Variants in ZNF705G observed in about 807,000 individuals in gnomAD.
ZNF705G encodes the protein zinc finger protein 705G, also known as putative zinc finger protein 705G.
In ZNF705G, 23 loss-of-function variants were observed where a neutral mutation model predicts 19.6. The observed-to-expected ratio is 1.17, with a 90% CI of 0.84 to 1.66. The LOEUF (loss-of-function observed/expected upper bound fraction) is 1.66, where lower values mean the gene tolerates loss of function less well. Among genes scored for constraint, ZNF705G ranks in the 40% most tolerant of loss-of-function variants. The pLI is 0.00. For synonymous variants in ZNF705G, 146 were observed against 117.7 expected, an observed-to-expected ratio of 1.24 and a Z score of -1.56; for missense variants, 457 against 354.4, an observed-to-expected ratio of 1.29 and a Z score of -2.32.
intron 2 of ZNF705G, among the ~76,000 whole-genome samples, chr8:7,366,961 G>C (rs1420494324): frequency 6.7e-6 from 1 of 149,568 alleles, no homozygotes; most frequent in Non-Finnish European, 1.5e-5. Context: ...ATGCCATTTA[G>C]TTATTTAATT....
chr8:7,358,112 T>A lies in ZNF705G; in HGVS notation c.767A>T (p.Tyr256Phe). ...GGCTTTCCCACTTTTATCACATTCA[T>A]AACACTTTTTTCCAAGGTGAGTTCT... Reference protein sequence around the residue: ...HERTHLGKKCYECDKSGKAFS... With the variant: ...HERTHLGKKCFECDKSGKAFS... The change falls in exon 7 of 7, where the codon TAT becomes TTT. Residue 256 changes from tyrosine to phenylalanine, a missense_variant. Transcript: ENST00000400156. 1 of 1,607,812 alleles carries A rather than the reference T, an allele frequency of 6.2e-7. No individual in the cohort carries two copies. Among genetic ancestry groups the A allele is most frequent in the Middle Eastern group, 2.2e-4 (1 of 4,552 alleles).
intron 2 of ZNF705G, among the ~76,000 whole-genome samples, chr8:7,367,032 A>T (rs1286700711): frequency 6.7e-6 from 1 of 149,676 alleles, no homozygotes; most frequent in Admixed American, 6.6e-5. Flanking sequence ...GCCAATACAG[A>T]TCTAGAATCT....
chr8:7,366,341 C>T (rs1209375236), intron 2 of ZNF705G, among the ~76,000 whole-genome samples: 1 of 149,348 alleles, frequency 6.7e-6, no homozygotes, highest in East Asian at 1.9e-4. Context: ...AAGCACCATG[C>T]CCTGAAACAA....
intron 3 of ZNF705G, 35 bp downstream of exon 3, chr8:7,362,900 T>C: frequency 6.3e-7 from 1 of 1,580,194 alleles, no homozygotes; most frequent in East Asian, 2.2e-5. Context: ...GCAATATGGG[T>C]ATAATTTCAG....
Position 7,358,350 on chromosome 8 carries a change from A to G in ZNF705G, c.529T>C (p.Cys177Arg), listed in dbSNP as rs543720945. 8 of 1,607,652 alleles carry G rather than the reference A, an allele frequency of 5.0e-6. No individual in the cohort carries two copies. Among genetic ancestry groups the G allele is most frequent in the South Asian group, 4.4e-5 (4 of 90,714 alleles). ...AAGCAATTAGTATAGGCCTTTTCAC[A>G]TAGATTACACTGATATGATTTACCT... ...TKGKSYQCNL[C>R]EKAYTNCFHL... is the part of the protein sequence containing the mutation. Residue 177 changes from cysteine (C) to arginine (R), a missense_variant, in exon 7 of 7, where the codon TGT (cysteine) becomes CGT (arginine). Cys to Arg is a radical substitution (Grantham distance 180). Transcript: ENST00000400156.
chr8:7,379,701 T>A (rs1424375268), intron 2 of ZNF705G, among the ~76,000 whole-genome samples: 1 of 147,336 alleles, frequency 6.8e-6, no homozygotes, highest in Non-Finnish European at 1.5e-5. Flanking sequence ...ATATTCCCAC[T>A]GTGGACACTG....
At chr8:7,360,362 A>T in intron 4 of ZNF705G, 30 bp from the exon 5 acceptor site, 1 of 1,586,904 alleles carries the variant, frequency 6.3e-7, no homozygotes, top group South Asian at 1.1e-5. Flanking sequence ...ATGTGTTTTG[A>T]GTTCACTGTC....
chr8:7,383,039 A>G (rs1807569511), intron 1 of ZNF705G, among the ~76,000 whole-genome samples: 1 of 148,566 alleles, frequency 6.7e-6, no homozygotes. Flanking sequence ...GGTTTTTTGG[A>G]AAACCACCCA....
chr8:7,367,905 A>T lies in ZNF705G; in HGVS notation c.-71-4888T>A, dbSNP rs1427598691. ...CTGGTAACAGTATCATTGTAAGGGAATGAGGCCAGTTCACATCTCAGTGCT... is the reference window on the plus strand; with the variant it reads ...CTGGTAACAGTATCATTGTAAGGGATTGAGGCCAGTTCACATCTCAGTGCT... On this transcript the variant is annotated intron_variant, in intron 2 of 6. Coordinates refer to ENST00000400156, the MANE Select transcript of ZNF705G (RefSeq NM_001164457.3). Among the ~76,000 whole-genome samples, 2 of 149,710 alleles carry T rather than the reference A, an allele frequency of 1.3e-5. 1 individual carries two copies. The highest frequency in any genetic ancestry group is 5.1e-5 in the African/African-American group (2 of 39,102).
intron 2 of ZNF705G, among the ~76,000 whole-genome samples, chr8:7,367,666 T>G: frequency 6.7e-6 from 1 of 149,648 alleles, no homozygotes; most frequent in Admixed American, 6.6e-5. Context: ...TCTTGGACCT[T>G]CAGGCATCTG....
In ZNF705G at chr8:7,356,845, T is replaced by C. The variant is rs1806292970; in HGVS notation, c.*1131A>G. On this transcript the variant is annotated 3_prime_UTR_variant, in exon 7 of 7. Coordinates refer to ENST00000400156, the MANE Select transcript of ZNF705G (RefSeq NM_001164457.3). Reference sequence around the variant, plus strand: ...TTTCAATATTTGTAAGTATTGATCTTTTGGAAAAGTTTAATGAGATTTCTT... The same window carrying C: ...TTTCAATATTTGTAAGTATTGATCTCTTGGAAAAGTTTAATGAGATTTCTT... 1 of 150,000 alleles carries C rather than the reference T, an allele frequency of 6.7e-6. No individual in the cohort carries two copies. The highest frequency in any genetic ancestry group is 1.5e-5 in the Non-Finnish European group (1 of 68,030). The allele number at this position is 150,000 out of a possible 1,614,324, so 9.3% of individuals were successfully genotyped here.
chr8:7,380,817 C>T (rs1807457325), intron 2 of ZNF705G, among the ~76,000 whole-genome samples: 1 of 144,650 alleles, frequency 6.9e-6, no homozygotes, highest in African/African-American at 2.9e-5. Flanking sequence ...GTCGGGAGTT[C>T]AAGACCAGCC....
chr8:7,363,191 C>G (rs1456146826), intron 2 of ZNF705G, among the ~76,000 whole-genome samples, 174 bp from the exon 3 acceptor site: 6 of 149,120 alleles, frequency 4.0e-5, no homozygotes, highest in Admixed American at 6.6e-5. Flanking sequence ...AATTAAGAAG[C>G]CTATGACTAT....
chr8:7,379,879 C>G (rs1199478673), intron 2 of ZNF705G, among the ~76,000 whole-genome samples: 2 of 145,882 alleles, frequency 1.4e-5, no homozygotes, highest in East Asian at 3.9e-4. Flanking sequence ...AATTTGAGAG[C>G]CCAGCCCCCA....
chr8:7,376,689 T>G (rs1350295018), intron 2 of ZNF705G, among the ~76,000 whole-genome samples: 1 of 150,086 alleles, frequency 6.7e-6, no homozygotes, highest in African/African-American at 2.5e-5. Context: ...GCCAGAGATA[T>G]GAGTAGTGAG....
intron 2 of ZNF705G, among the ~76,000 whole-genome samples, chr8:7,369,958 C>G (rs1191805636): frequency 1.3e-5 from 2 of 149,318 alleles, no homozygotes; most frequent in East Asian, 3.9e-4. Flanking sequence ...ATCTGGGTTA[C>G]AAGATCATTC....
At chr8:7,359,488 A>ATTT in intron 6 of ZNF705G, 131 bp downstream of exon 6, 7 of 1,334,102 alleles carry the variant, frequency 5.2e-6, no homozygotes, top group South Asian at 2.9e-5. Context: ...AAAGTATCCA[A>ATTT]TTTTTTTTTT....
At chr8:7,362,504 C>T (rs1049272261) in intron 3 of ZNF705G, among the ~76,000 whole-genome samples, 11 of 149,742 alleles carry the variant, frequency 7.3e-5, no homozygotes, top group Non-Finnish European at 1.6e-4. Context: ...TCATCTCTAT[C>T]GCCTGCATTA....
chr8:7,368,369 TACA>T (rs1166317313), intron 2 of ZNF705G, among the ~76,000 whole-genome samples: 1 of 149,600 alleles, frequency 6.7e-6, no homozygotes, highest in Admixed American at 6.6e-5. Context: ...AGTCAAGGGA[TACA>T]ACAAGAAACC....
Sources: allele counts gnomAD v4.1 joint callset (sites outside exome capture counted in the v4.1 genomes callset), GRCh38; gene constraint gnomAD v4.1.1; transcripts MANE v1.5; gene names NCBI Gene and HGNC (gene_info 2026-07-23, HGNC 2026-07-21).